FHIT: variants seen among roughly 807,000 people sequenced by gnomAD.
FHIT encodes bis(5'-adenosyl)-triphosphatase.
FHIT carries 19 observed loss-of-function variants against 17.9 expected under a neutral mutation model. The ratio of observed to expected loss-of-function variants is 1.06; its 90% CI spans 0.74 to 1.56. FHIT has a LOEUF of 1.56. FHIT is among the 40% of genes most tolerant of loss of function. The pLI is 0.00. For missense variants in FHIT, 248 were observed against 189.2 expected (o/e 1.31, Z -1.82); for synonymous variants, 81 against 69.7 (o/e 1.16, Z -0.81).
intron 5 of FHIT, among the ~76,000 whole-genome samples, chr3:60,126,284 C>G (rs1226150895): frequency 6.6e-6 from 1 of 152,194 alleles, no homozygotes; most frequent in Non-Finnish European, 1.5e-5. Context: ...CCTGTACTAA[C>G]CTTGTGGTTC....
chr3:61,139,071 C>T (rs891962977), intron 2 of FHIT, among the ~76,000 whole-genome samples: 1 of 150,722 alleles, frequency 6.6e-6, no homozygotes, highest in African/African-American at 2.4e-5. Flanking sequence ...ACTCTGTCAC[C>T]AAGGCTGGAG....
intron 2 of FHIT, among the ~76,000 whole-genome samples, chr3:61,121,637 A>G (rs1431845631): frequency 6.6e-6 from 1 of 152,224 alleles, no homozygotes; most frequent in Non-Finnish European, 1.5e-5. Context: ...CTGCAAAAAC[A>G]TACCAAATTG....
At chr3:60,154,827 GCAGA>G (rs1262613060) in intron 5 of FHIT, among the ~76,000 whole-genome samples, 4 of 152,056 alleles carry the variant, frequency 2.6e-5, no homozygotes, top group African/African-American at 9.7e-5. Flanking sequence ...CTATTCAATA[GCAGA>G]AAGAAAAGCA....
intron 5 of FHIT, among the ~76,000 whole-genome samples, chr3:60,381,772 A>T (rs1700809006): frequency 6.6e-6 from 1 of 151,116 alleles, no homozygotes; most frequent in South Asian, 2.1e-4. Context: ...CCTATCCTCT[A>T]CATGGATAGA....
intron 7 of FHIT, among the ~76,000 whole-genome samples, chr3:59,970,105 C>T (rs1708108038): frequency 6.6e-6 from 1 of 152,010 alleles, no homozygotes; most frequent in Non-Finnish European, 1.5e-5. Context: ...GCTAACACTA[C>T]CTCTTTCCCA....
At chr3:59,898,458 G>C (rs1356848662) in intron 8 of FHIT, among the ~76,000 whole-genome samples, 1 of 151,870 alleles carries the variant, frequency 6.6e-6, no homozygotes, top group Non-Finnish European at 1.5e-5. Flanking sequence ...GTGTGTGTGT[G>C]TGTGTGTGTG....
intron 1 of FHIT, among the ~76,000 whole-genome samples, chr3:61,204,962 C>G (rs2039166843): frequency 6.7e-6 from 1 of 148,332 alleles, no homozygotes; most frequent in South Asian, 2.3e-4. Flanking sequence ...CTCCTAATGC[C>G]ATCCCACCCA....
rs879767879 is a variant in FHIT at position 60,079,051 on chromosome 3, TAG to T, written c.104-64901_104-64900del. The stretch of plus-strand genomic sequence containing the variant: ...GAGGCTCGGCTCCCCCTTTGCAAAA[TAG>T]AGACAACATGACTTCACAGGGTGAT... On this transcript the variant is annotated intron_variant, in intron 5 of 9. Transcript: ENST00000492590. Among the ~76,000 whole-genome samples the T allele has an allele frequency of 7.2e-5, 11 of 152,228 alleles. 1 individual carries two copies. In the East Asian group the frequency reaches 2.1e-3, roughly 30 times the overall value.
chr3:60,230,441 A>T (rs566825756), intron 5 of FHIT, among the ~76,000 whole-genome samples: 1 of 152,348 alleles, frequency 6.6e-6, no homozygotes, highest in South Asian at 2.1e-4. Flanking sequence ...AAATAACATT[A>T]TCTGATCATA....
At chr3:60,686,896 T>C (rs1553698587) in intron 4 of FHIT, among the ~76,000 whole-genome samples, 1 of 152,208 alleles carries the variant, frequency 6.6e-6, no homozygotes, top group Non-Finnish European at 1.5e-5. Flanking sequence ...CCAGGTGTCT[T>C]CAACCCCCTT....
At chr3:60,718,747 G>A (rs1409572790) in intron 4 of FHIT, among the ~76,000 whole-genome samples, 1 of 152,106 alleles carries the variant, frequency 6.6e-6, no homozygotes, top group African/African-American at 2.4e-5. Context: ...AGAAAAGTTG[G>A]TCATTCTAAG....
intron 8 of FHIT, among the ~76,000 whole-genome samples, chr3:59,763,739 G>A (rs1164420871): frequency 2.8e-5 from 2 of 71,186 alleles, no homozygotes; most frequent in Non-Finnish European, 6.9e-5. Context: ...GTCAGCTGAG[G>A]AGTGGCAAGT....
chr3:61,166,404 GAAAC>G (rs997547033), intron 2 of FHIT, among the ~76,000 whole-genome samples: 13 of 152,232 alleles, frequency 8.5e-5, no homozygotes, highest in African/African-American at 2.9e-4. Flanking sequence ...CCTTGCCAAG[GAAAC>G]AAACACTCAC....
At chr3:59,835,268 G>C (rs954599896) in intron 8 of FHIT, among the ~76,000 whole-genome samples, 1 of 152,138 alleles carries the variant, frequency 6.6e-6, no homozygotes, top group African/African-American at 2.4e-5. Flanking sequence ...AACAAAACCT[G>C]AGAACTTGTT....
intron 4 of FHIT, among the ~76,000 whole-genome samples, chr3:60,687,087 A>T (rs569366552): frequency 6.6e-6 from 1 of 152,234 alleles, no homozygotes; most frequent in Non-Finnish European, 1.5e-5. Context: ...AATATTTACA[A>T]TGTTAACGTT....
At chr3:60,967,245 T>C (rs1017712958) in intron 3 of FHIT, among the ~76,000 whole-genome samples, 2 of 152,336 alleles carry the variant, frequency 1.3e-5, no homozygotes, top group Admixed American at 6.5e-5. Context: ...GGAATATGTA[T>C]GAACGTTGCT....
chr3:61,198,644 C>T (rs2038923764), intron 2 of FHIT, among the ~76,000 whole-genome samples: 1 of 152,046 alleles, frequency 6.6e-6, no homozygotes, highest in African/African-American at 2.4e-5. Flanking sequence ...TGATGACAAC[C>T]AAGGAAGGTA....
chr3:60,470,184 C>T (rs1413734534), intron 5 of FHIT, among the ~76,000 whole-genome samples: 1 of 152,044 alleles, frequency 6.6e-6, no homozygotes, highest in Non-Finnish European at 1.5e-5. Context: ...CACTGGGTCT[C>T]ACCCAAGGCC....
rs568602921 is a variant in FHIT, at chr3:60,979,735, T to C, written c.-111+62312A>G. On this transcript the variant is annotated intron_variant, in intron 3 of 9. Coordinates refer to ENST00000492590, the MANE Select transcript of FHIT (RefSeq NM_002012.4). ...ACAAGAATCATTGCTCATTCAGGGA[T>C]TGCTGCCCCTGCCATCACCCCCTCT... Among the ~76,000 whole-genome samples the C allele has an allele frequency of 3.3e-5, 5 of 152,286 alleles. No individual in the cohort carries two copies. The East Asian group carries it at 9.6e-4, about 29-fold the overall frequency.
Sources: allele counts gnomAD v4.1 joint callset (sites outside exome capture counted in the v4.1 genomes callset), GRCh38; gene constraint gnomAD v4.1.1; transcripts MANE v1.5; gene names NCBI Gene and HGNC (gene_info 2026-07-23, HGNC 2026-07-21).